Variants in SPINK6 observed in about 807,000 individuals in gnomAD.
SPINK6 encodes serine protease inhibitor Kazal-type 6.
SPINK6 carries 13 observed loss-of-function variants against 11.7 expected under a neutral mutation model. The observed-to-expected ratio is 1.11, with a 90% CI of 0.72 to 1.76. The LOEUF (loss-of-function observed/expected upper bound fraction) is 1.76, where lower values mean the gene tolerates loss of function less well. SPINK6 is among the 40% of genes most tolerant of loss of function. SPINK6 has a pLI of 0.00. For synonymous variants in SPINK6, 21 were observed against 31.9 expected (o/e 0.66, Z 1.15); for missense variants, 98 against 93.7 (o/e 1.05, Z -0.19).
In SPINK6 at chr5:148,203,173, T is replaced by C. The variant is rs1226134720; in HGVS notation, c.58+19T>C. On this transcript the variant is annotated intron_variant, in intron 1 of 3. Transcript: ENST00000325630. Reference sequence around the variant, plus strand: ...TTAACAGGTAAGTTTTTTCTTAAAATTAAGATCCCATATTTATACTGAACT... The same window carrying C: ...TTAACAGGTAAGTTTTTTCTTAAAACTAAGATCCCATATTTATACTGAACT... 1 of 1,592,048 alleles carries C rather than the reference T, an allele frequency of 6.3e-7. No homozygotes were observed. Among genetic ancestry groups the C allele is most frequent in the East Asian group, 2.2e-5 (1 of 44,668 alleles).
chr5:148,206,102 T>C (rs1343082192), intron 2 of SPINK6, 44 bp downstream of exon 2: 25 of 1,611,764 alleles, frequency 1.6e-5, no homozygotes, highest in Non-Finnish European at 2.0e-5. Context: ...GGGTGGTGCT[T>C]GGCTTGATCT....
At chr5:148,214,157 A>G in intron 3 of SPINK6, 132 bp downstream of exon 3, 1 of 507,480 alleles carries the variant, frequency 2.0e-6, no homozygotes, top group Non-Finnish European at 3.5e-6. Flanking sequence ...GCTTCAGGCA[A>G]TTTGATTGAA....
At chr5:148,214,228 A>G (rs1300342264) in intron 3 of SPINK6, among the ~76,000 whole-genome samples, 1 of 152,246 alleles carries the variant, frequency 6.6e-6, no homozygotes, top group Non-Finnish European at 1.5e-5. Context: ...ACATAATCTT[A>G]ATCGCTTTGC....
intron 2 of SPINK6, among the ~76,000 whole-genome samples, chr5:148,207,568 T>A (rs1755516129): frequency 1.3e-5 from 2 of 152,126 alleles, no homozygotes. Context: ...CGGTGCCTCA[T>A]GCCTGTAATC....
intron 2 of SPINK6, among the ~76,000 whole-genome samples, chr5:148,208,771 AT>A (rs901156196): frequency 2.0e-5 from 3 of 152,224 alleles, no homozygotes; most frequent in African/African-American, 7.2e-5. Flanking sequence ...TCATTAAGTA[AT>A]TTGTTGTATA....
intron 3 of SPINK6, among the ~76,000 whole-genome samples, chr5:148,214,525 T>C (rs925464635): frequency 3.9e-5 from 6 of 152,196 alleles, no homozygotes; most frequent in African/African-American, 1.4e-4. Context: ...TCACCTGCTC[T>C]AAAATGTCAA....
chr5:148,207,611 A>T (rs1359739068), intron 2 of SPINK6, among the ~76,000 whole-genome samples: 1 of 152,056 alleles, frequency 6.6e-6, no homozygotes, highest in African/African-American at 2.4e-5. Context: ...TGGGCAGATC[A>T]CCTGAGGCCA....
chr5:148,207,065 T>C (rs1449457356), intron 2 of SPINK6, among the ~76,000 whole-genome samples: 1 of 152,006 alleles, frequency 6.6e-6, no homozygotes, highest in Non-Finnish European at 1.5e-5. Context: ...GCACTTTAGG[T>C]GTATGTCTAA....
chr5:148,210,983 C>T (rs1361734174), intron 2 of SPINK6, among the ~76,000 whole-genome samples: 1 of 152,060 alleles, frequency 6.6e-6, no homozygotes, highest in Admixed American at 6.6e-5. Context: ...CATTATATAT[C>T]CCAAATCTAT....
At chr5:148,207,013 T>C (rs1234849740) in intron 2 of SPINK6, among the ~76,000 whole-genome samples, 1 of 87,930 alleles carries the variant, frequency 1.1e-5, no homozygotes, top group East Asian at 3.5e-4. Flanking sequence ...TTACAAATGA[T>C]GATGCATTTG....
At chr5:148,210,201 T>C (rs141993093) in intron 2 of SPINK6, among the ~76,000 whole-genome samples, 106 of 26,070 alleles carry the variant, frequency 4.1e-3, no homozygotes, top group African/African-American at 5.7e-3. Context: ...TCTGCATGCA[T>C]ATGTATTTCT....
rs1439803459 is a variant in SPINK6, at chr5:148,210,027, CATGCACAA to C, written c.82-3881_82-3874del. Among the ~76,000 whole-genome samples the C allele has an allele frequency of 2.8e-4, 40 of 141,458 alleles. 1 individual carries two copies. The highest frequency in any genetic ancestry group is 8.5e-4 in the South Asian group (4 of 4,682). 92.8% of individuals were successfully genotyped at this position (141,458 alleles called of 152,430 possible). On this transcript the variant is annotated intron_variant, in intron 2 of 3. Coordinates refer to ENST00000325630, the MANE Select transcript of SPINK6 (RefSeq NM_205841.4). ...GTATACATGTATGTACGCATGTACG[CATGCACAA>C]ACGTATGTATGCATATATGTATGTA...
In SPINK6 at chr5:148,214,986, T is replaced by A; in HGVS notation, c.*36T>A. On this transcript the variant is annotated 3_prime_UTR_variant, in exon 4 of 4. Coordinates refer to ENST00000325630, the MANE Select transcript of SPINK6 (RefSeq NM_205841.4). Reference sequence around the variant, plus strand: ...ATGTTTCTTGGTGACTTGCCAGCTTTTGCAGCCTTCTTTTCTCACTTCTGC... The same window carrying A: ...ATGTTTCTTGGTGACTTGCCAGCTTATGCAGCCTTCTTTTCTCACTTCTGC... 2 of 1,606,180 alleles carry A rather than the reference T, an allele frequency of 1.2e-6. No homozygotes were observed. The highest frequency in any genetic ancestry group is 1.7e-6 in the Non-Finnish European group (2 of 1,173,056).
intron 2 of SPINK6, among the ~76,000 whole-genome samples, chr5:148,210,300 C>T (rs201211417): frequency 4.0e-4 from 9 of 22,306 alleles, no homozygotes; most frequent in African/African-American, 9.8e-4. Flanking sequence ...ATGTATGTTT[C>T]TGCATACATA....
intron 1 of SPINK6, among the ~76,000 whole-genome samples, chr5:148,204,570 T>C (rs1443836799): frequency 6.6e-6 from 1 of 151,146 alleles, no homozygotes; most frequent in Non-Finnish European, 1.5e-5. Flanking sequence ...GGCACTTTCA[T>C]TTTATAGCTT....
intron 2 of SPINK6, among the ~76,000 whole-genome samples, chr5:148,209,803 G>A (rs530159780): frequency 6.6e-6 from 1 of 152,052 alleles, no homozygotes; most frequent in Non-Finnish European, 1.5e-5. Flanking sequence ...CTGAGGGAGG[G>A]TTGGAGAATC....
chr5:148,212,636 TATATA>T (rs1755623380), intron 2 of SPINK6, among the ~76,000 whole-genome samples: 1 of 106,694 alleles, frequency 9.4e-6, no homozygotes, highest in African/African-American at 3.8e-5. Flanking sequence ...TTATATATTA[TATATA>T]ATATAAATAT....
Position 148,214,001 on chromosome 5 carries a change from A to G in SPINK6, c.173A>G (p.Lys58Arg), listed in dbSNP as rs190006161. ...CGSDGQTYGN[K>R]CAFCKAIVKS... ...TCTGATGGCCAGACATATGGCAATA[A>G]ATGTGCCTTCTGTAAGGCCATAGTG... The change falls in exon 3 of 4, where the codon AAA (lysine) becomes AGA (arginine). Residue 58 changes from lysine to arginine, a missense_variant. Coordinates refer to ENST00000325630, the MANE Select transcript of SPINK6 (RefSeq NM_205841.4). 1 of 1,611,902 alleles carries G rather than the reference A, an allele frequency of 6.2e-7. No homozygotes were observed. Among genetic ancestry groups the G allele is most frequent in the Admixed American group, 1.7e-5 (1 of 59,988 alleles).
chr5:148,204,955 G>T (rs910282874), intron 1 of SPINK6, among the ~76,000 whole-genome samples: 9 of 152,036 alleles, frequency 5.9e-5, no homozygotes, highest in Non-Finnish European at 1.0e-4. Context: ...GACTGTCCAG[G>T]AACTCTCTGG....
Sources: allele counts gnomAD v4.1 joint callset (sites outside exome capture counted in the v4.1 genomes callset), GRCh38; gene constraint gnomAD v4.1.1; transcripts MANE v1.5; gene names NCBI Gene and HGNC (gene_info 2026-07-23, HGNC 2026-07-21).